Variants in ZNF438 observed in about 807,000 individuals in gnomAD.
ZNF438 encodes the protein zinc finger protein 438.
ZNF438 carries 25 observed loss-of-function variants against 38.0 expected under a neutral mutation model. The observed-to-expected ratio is 0.66, with a 90% CI of 0.48 to 0.92. The LOEUF (loss-of-function observed/expected upper bound fraction) is 0.92. Among genes scored for constraint, ZNF438 ranks in the 40% least tolerant of loss-of-function variants. ZNF438 has a pLI of 0.00. For synonymous variants in ZNF438, 372 were observed against 364.1 expected (o/e 1.02, Z -0.25); for missense variants, 1,007 against 999.6 (o/e 1.01, Z -0.10).
At chr10:30,955,553 T>C (rs1458703810) in intron 1 of ZNF438, among the ~76,000 whole-genome samples, 1 of 152,188 alleles carries the variant, frequency 6.6e-6, no homozygotes, top group Non-Finnish European at 1.5e-5. Context: ...GCTAGAAAGG[T>C]CATGTAGACT....
chr10:31,028,056 T>C (rs1229216803), intron 1 of ZNF438, among the ~76,000 whole-genome samples: 1 of 152,110 alleles, frequency 6.6e-6, no homozygotes, highest in Admixed American at 6.5e-5. Flanking sequence ...TTTTCTAGTC[T>C]CCATGTTCTA....
At chr10:30,937,308 T>C (rs1237392118) in intron 2 of ZNF438, among the ~76,000 whole-genome samples, 2 of 152,196 alleles carry the variant, frequency 1.3e-5, no homozygotes, top group African/African-American at 4.8e-5. Flanking sequence ...AATTTAATGC[T>C]AAAAATATTA....
intron 4 of ZNF438, among the ~76,000 whole-genome samples, chr10:30,873,591 C>T (rs2037841315): frequency 6.6e-6 from 1 of 152,218 alleles, no homozygotes; most frequent in African/African-American, 2.4e-5. Context: ...ACTGTCCTTT[C>T]ATTCTGATTT....
intron 1 of ZNF438, among the ~76,000 whole-genome samples, chr10:30,982,357 T>C (rs376013390): frequency 6.6e-6 from 1 of 152,274 alleles, no homozygotes; most frequent in African/African-American, 2.4e-5. Context: ...TGCCTCAGTC[T>C]CACAAAGTGC....
At chr10:30,947,183 C>T (rs1167871325) in intron 1 of ZNF438, among the ~76,000 whole-genome samples, 4 of 152,154 alleles carry the variant, frequency 2.6e-5, no homozygotes, top group Admixed American at 1.3e-4. Flanking sequence ...TCCTCCAGAC[C>T]GCATTGAGCT....
chr10:30,884,769 CAA>C (rs548197996), intron 3 of ZNF438, among the ~76,000 whole-genome samples: 148 of 152,318 alleles, frequency 9.7e-4, no homozygotes, highest in African/African-American at 3.5e-3. Flanking sequence ...GGTTACTTGA[CAA>C]AGTGACAGCC....
chr10:30,875,514 GA>G lies in ZNF438; in HGVS notation c.37+1483del, dbSNP rs2038273069. On this transcript the variant is annotated intron_variant, in intron 4 of 5. Coordinates refer to ENST00000413025, the Ensembl canonical transcript of ZNF438. ...TCCTAAGCTTCTCCTTGCTTGCTTGGATAAAAAAAGGTAATACCAGCTAGGA... is the reference window on the plus strand; with the variant it reads ...TCCTAAGCTTCTCCTTGCTTGCTTGGTAAAAAAAGGTAATACCAGCTAGGA... 7.1e-6 allele frequency: 7 copies of G among 985,180 alleles called. No individual in the cohort carries two copies. In the South Asian group the frequency reaches 3.3e-4, roughly 46 times the overall value. 61.0% of individuals were successfully genotyped at this position (985,180 alleles called of 1,614,324 possible).
At chr10:31,012,208 C>T (rs2055773449) in intron 1 of ZNF438, among the ~76,000 whole-genome samples, 1 of 151,396 alleles carries the variant, frequency 6.6e-6, no homozygotes. Context: ...ACTGCAAGCT[C>T]CACCTCCTGG....
At chr10:30,867,922 C>T (rs938524465) in intron 4 of ZNF438, among the ~76,000 whole-genome samples, 1 of 152,042 alleles carries the variant, frequency 6.6e-6, no homozygotes, top group African/African-American at 2.4e-5. Flanking sequence ...TATAATGTTT[C>T]AAAAACTTAT....
intron 3 of ZNF438, among the ~76,000 whole-genome samples, chr10:30,902,775 G>C (rs1364552202): frequency 6.6e-6 from 1 of 152,240 alleles, no homozygotes; most frequent in Non-Finnish European, 1.5e-5. Flanking sequence ...CCGGGCCGCA[G>C]GTGGAGCTGC....
chr10:30,888,640 C>G (rs1409187804), intron 3 of ZNF438, among the ~76,000 whole-genome samples: 1 of 152,160 alleles, frequency 6.6e-6, no homozygotes, highest in Non-Finnish European at 1.5e-5. Flanking sequence ...GTTTGCTGTT[C>G]CTGCATTAGT....
At chr10:30,948,547 G>C (rs2047737843) in intron 1 of ZNF438, among the ~76,000 whole-genome samples, 1 of 151,712 alleles carries the variant, frequency 6.6e-6, no homozygotes, top group African/African-American at 2.4e-5. Context: ...ATACAGAGAA[G>C]TGCTTAAAGG....
At chr10:30,917,573 A>C (rs2043797202) in intron 2 of ZNF438, among the ~76,000 whole-genome samples, 1 of 152,288 alleles carries the variant, frequency 6.6e-6, no homozygotes, top group East Asian at 1.9e-4. Flanking sequence ...TCACATGCTT[A>C]CTAATCATTT....
intron 2 of ZNF438, among the ~76,000 whole-genome samples, chr10:30,926,441 G>A (rs1422701905): frequency 6.6e-6 from 1 of 152,192 alleles, no homozygotes; most frequent in African/African-American, 2.4e-5. Context: ...GCCGAGGCGA[G>A]TGGATCACAA....
chr10:30,845,276 T>C, exon 6 of ZNF438: 1 of 1,614,138 alleles, frequency 6.2e-7, no homozygotes, highest in Non-Finnish European at 8.5e-7. Context: ...TTTTCAGTCT[T>C]GGACATGCAT....
intron 2 of ZNF438, among the ~76,000 whole-genome samples, chr10:30,941,031 CAAAT>C (rs2046766671): frequency 6.6e-6 from 1 of 151,282 alleles, no homozygotes; most frequent in Admixed American, 6.6e-5. Context: ...CTCACTTAGA[CAAAT>C]AACACCAAGA....
chr10:30,974,350 G>C (rs2051093588), intron 1 of ZNF438, among the ~76,000 whole-genome samples: 2 of 152,222 alleles, frequency 1.3e-5, no homozygotes, highest in Admixed American at 1.3e-4. Flanking sequence ...ATGCGTGCCT[G>C]TAGTCCCAGC....
chr10:30,998,794 C>T (rs2054340029), intron 1 of ZNF438, among the ~76,000 whole-genome samples: 1 of 152,034 alleles, frequency 6.6e-6, no homozygotes, highest in Admixed American at 6.5e-5. Flanking sequence ...TTCATACTTT[C>T]ATGGTATATA....
In ZNF438 at chr10:30,873,976, TGTTA is replaced by T. The variant is rs150467767; in HGVS notation, c.37+3018_37+3021del. 8.2e-3 allele frequency among the ~76,000 whole-genome samples: 1,246 copies of T among 152,136 alleles called. 13 individuals are homozygous for T. Among genetic ancestry groups the T allele is most frequent in the African/African-American group, 0.028 (1,147 of 41,530 alleles). On this transcript the variant is annotated intron_variant, in intron 4 of 5. Coordinates refer to ENST00000413025, the Ensembl canonical transcript of ZNF438. ...AATTTATAGCTAGCCATCAATGGTT[TGTTA>T]AATAAATCAATCTGCATTTAATTAA... is the stretch of plus-strand genomic sequence containing the variant.
Sources: allele counts gnomAD v4.1 joint callset (sites outside exome capture counted in the v4.1 genomes callset), GRCh38; gene constraint gnomAD v4.1.1; transcripts MANE v1.5; gene names NCBI Gene and HGNC (gene_info 2026-07-23, HGNC 2026-07-21).